ARHGEF7: variants seen among roughly 807,000 people sequenced by gnomAD.
ARHGEF7 encodes Rho guanine nucleotide exchange factor 7.
Under a neutral mutation model 109.8 loss-of-function variants are expected in ARHGEF7, and 33 were observed. That is an observed-to-expected ratio of 0.30 (90% CI 0.23 to 0.40). The LOEUF (loss-of-function observed/expected upper bound fraction) is 0.40, where lower values mean the gene tolerates loss of function less well. ARHGEF7 is among the 10% of genes least tolerant of loss of function. ARHGEF7 has a pLI of 1.00. For synonymous variants in ARHGEF7, 458 were observed against 424.6 expected (o/e 1.08, Z -0.97); for missense variants, 938 against 1,098.5 (o/e 0.85, Z 2.07).
At chr13:111,264,263 C>A (rs1414567224) in intron 8 of ARHGEF7, among the ~76,000 whole-genome samples, 1 of 152,222 alleles carries the variant, frequency 6.6e-6, no homozygotes, top group Non-Finnish European at 1.5e-5. Flanking sequence ...ATCTGCTAGA[C>A]AAATTTCAGT....
chr13:111,263,135 C>T (rs188454290), intron 8 of ARHGEF7, among the ~76,000 whole-genome samples: 135 of 152,284 alleles, frequency 8.9e-4, no homozygotes, highest in African/African-American at 3.1e-3. Context: ...GTCTAGGCAG[C>T]GTTATGTGTG....
chr13:111,293,658 T>A (rs2093355957), intron 19 of ARHGEF7: 1 of 985,296 alleles, frequency 1.0e-6, no homozygotes, highest in Non-Finnish European at 1.2e-6. Context: ...CGGTTGTGTT[T>A]TAAGTATTCA....
intron 8 of ARHGEF7, among the ~76,000 whole-genome samples, chr13:111,262,967 C>T (rs753541371): frequency 1.3e-5 from 2 of 152,246 alleles, no homozygotes; most frequent in Admixed American, 1.3e-4. Flanking sequence ...CTTGATGTAG[C>T]CCCTGTGGGG....
intron 5 of ARHGEF7, among the ~76,000 whole-genome samples, chr13:111,223,438 A>G (rs965031634): frequency 1.3e-5 from 2 of 152,256 alleles, no homozygotes; most frequent in African/African-American, 4.8e-5. Flanking sequence ...ATGTACAAAT[A>G]GTTTTACTGA....
At chr13:111,175,218 C>G (rs985474771) in intron 2 of ARHGEF7, among the ~76,000 whole-genome samples, 5 of 152,232 alleles carry the variant, frequency 3.3e-5, no homozygotes, top group African/African-American at 1.2e-4. Context: ...CTGAGGGCCC[C>G]TGTGGGTCCC....
At chr13:111,253,504 C>A (rs2090039954) in intron 8 of ARHGEF7, among the ~76,000 whole-genome samples, 1 of 152,150 alleles carries the variant, frequency 6.6e-6, no homozygotes, top group Non-Finnish European at 1.5e-5. Flanking sequence ...TGTAATACTT[C>A]CCCTAAAGAA....
chr13:111,219,586 A>G (rs1206347999), intron 5 of ARHGEF7, among the ~76,000 whole-genome samples: 1 of 151,340 alleles, frequency 6.6e-6, no homozygotes, highest in African/African-American at 2.4e-5. Flanking sequence ...CGGCTGGACC[A>G]TGTCGCATTC....
At chr13:111,232,146 T>C (rs139954827) in intron 5 of ARHGEF7, among the ~76,000 whole-genome samples, 1 of 152,274 alleles carries the variant, frequency 6.6e-6, no homozygotes, top group Non-Finnish European at 1.5e-5. Flanking sequence ...CAACCATTGA[T>C]AGACCCACCC....
chr13:111,216,950 G>A (rs1375117910), intron 4 of ARHGEF7, among the ~76,000 whole-genome samples: 2 of 152,218 alleles, frequency 1.3e-5, no homozygotes, highest in Non-Finnish European at 2.9e-5. Flanking sequence ...TGAGAAAAAT[G>A]CGAATTAAAA....
At position 111,271,640 on chromosome 13, in the gene ARHGEF7, G is replaced by A. The variant is rs116099694; in HGVS notation, c.1074-2174G>A. Among the ~76,000 whole-genome samples the A allele has an allele frequency of 6.7e-3, 1,013 of 152,250 alleles. 6 individuals are homozygous for A. Among genetic ancestry groups the A allele is most frequent in the African/African-American group, 0.023 (959 of 41,542 alleles). On this transcript the variant is annotated intron_variant, in intron 9 of 21. Transcript: ENST00000646102. ...AAAGTGCACTTGCTCTCGTGCGTGC[G>A]TGCTCTCTCTCACAAAGACAGACAC...
At chr13:111,120,797 G>C (rs1008745645) in intron 1 of ARHGEF7, among the ~76,000 whole-genome samples, 1 of 152,194 alleles carries the variant, frequency 6.6e-6, no homozygotes, top group Non-Finnish European at 1.5e-5. Flanking sequence ...GTTTGCAGGC[G>C]CTGTCCCTCG....
At chr13:111,268,444 A>G (rs2091860264) in intron 9 of ARHGEF7, among the ~76,000 whole-genome samples, 1 of 152,264 alleles carries the variant, frequency 6.6e-6, no homozygotes, top group Non-Finnish European at 1.5e-5. Context: ...TTTCAAAACC[A>G]TAAATGGAAA....
At chr13:111,184,916 C>T (rs751163296) in intron 2 of ARHGEF7, 6 of 152,340 alleles carry the variant, frequency 3.9e-5, no homozygotes, top group African/African-American at 1.4e-4. Context: ...GAGACACTTT[C>T]TCTGCACCTG....
At chr13:111,294,132 G>T (rs979787732) in intron 19 of ARHGEF7, 2 of 985,232 alleles carry the variant, frequency 2.0e-6, no homozygotes, top group African/African-American at 1.7e-5. Flanking sequence ...GCAGAGATGG[G>T]GTTTATGTAT....
chr13:111,217,962 C>G (rs2083337569), intron 5 of ARHGEF7, 82 bp downstream of exon 5: 5 of 1,338,320 alleles, frequency 3.7e-6, no homozygotes, highest in Non-Finnish European at 5.0e-6. Context: ...TGTTTACTCT[C>G]CAGCTGGACC....
At chr13:111,187,249 C>T (rs2079359310) in intron 2 of ARHGEF7, among the ~76,000 whole-genome samples, 1 of 152,216 alleles carries the variant, frequency 6.6e-6, no homozygotes, top group Non-Finnish European at 1.5e-5. Flanking sequence ...GACAGCTCTC[C>T]TTGTTCTGCT....
In ARHGEF7 at chr13:111,248,217, C is replaced by T. The variant is rs117794124; in HGVS notation, c.950+3923C>T. On this transcript the variant is annotated intron_variant, in intron 8 of 21. Transcript: ENST00000646102. ...GTTTCAGCATTTGAAGGATATTGCTCCACTGTCTTTTGGCCTTCACTGTAT... is the reference window on the plus strand; with the variant it reads ...GTTTCAGCATTTGAAGGATATTGCTTCACTGTCTTTTGGCCTTCACTGTAT... Among the ~76,000 whole-genome samples the T allele has an allele frequency of 5.1e-3, 776 of 152,104 alleles. 1 individual carries two copies. Among genetic ancestry groups the T allele is most frequent in the Middle Eastern group, 0.01 (3 of 294 alleles).
rs2083378680 is a variant in ARHGEF7, at chr13:111,218,241, A to G, written c.670+361A>G. Among the ~76,000 whole-genome samples, 4 of 150,916 alleles carry G rather than the reference A, an allele frequency of 2.7e-5. No individual in the cohort carries two copies. The South Asian group carries it at 8.4e-4, about 32-fold the overall frequency. On this transcript the variant is annotated intron_variant, in intron 5 of 21. Transcript: ENST00000646102. Reference sequence around the variant, plus strand: ...CCGCAGGCTGTGTTTAATTTTTGTGACTATGGGTGGTACTTTTGGCAGTGG... The same window carrying G: ...CCGCAGGCTGTGTTTAATTTTTGTGGCTATGGGTGGTACTTTTGGCAGTGG...
chr13:111,257,204 A>C (rs1275416421), intron 8 of ARHGEF7, among the ~76,000 whole-genome samples: 1 of 152,178 alleles, frequency 6.6e-6, no homozygotes, highest in Non-Finnish European at 1.5e-5. Flanking sequence ...TTATCTTCTT[A>C]CTAAAATCCT....
Sources: gnomAD v4.1 joint callset for allele counts (sites outside exome capture counted in the v4.1 genomes callset) on GRCh38, gnomAD v4.1.1 for gene constraint, MANE v1.5 for transcripts, NCBI Gene and HGNC (gene_info 2026-07-23, HGNC 2026-07-21) for gene names.